Variants in ASPSCR1 observed in about 807,000 individuals in gnomAD.
ASPSCR1 encodes tether containing UBX domain for GLUT4.
Under a neutral mutation model 68.9 loss-of-function variants are expected in ASPSCR1, and 55 were observed. The observed-to-expected ratio is 0.80, with a 90% CI of 0.64 to 1.00. The LOEUF (loss-of-function observed/expected upper bound fraction) is 1.00. Ranked by LOEUF, ASPSCR1 falls within the 50% of genes least tolerant of loss-of-function variation. ASPSCR1 has a pLI of 0.00. For synonymous variants in ASPSCR1, 352 were observed against 332.6 expected, an observed-to-expected ratio of 1.06 and a Z score of -0.63; for missense variants, 765 against 762.2, an observed-to-expected ratio of 1.00 and a Z score of -0.04.
chr17:82,002,957 C>G (rs2042585302), intron 7 of ASPSCR1, among the ~76,000 whole-genome samples: 1 of 152,116 alleles, frequency 6.6e-6, no homozygotes. Context: ...TCACTGCAAC[C>G]TCCACCTCCT....
rs931043796 is a variant in ASPSCR1 at position 82,016,542 on chromosome 17, T to G, written c.1405+15T>G. Reference sequence around the variant, plus strand: ...GGAGCCGGCAGGTGAGTGTCAGTGGTTGGGGCCAGTGTCGGAGTCCAGCCA... The same window carrying G: ...GGAGCCGGCAGGTGAGTGTCAGTGGGTGGGGCCAGTGTCGGAGTCCAGCCA... On this transcript the variant is annotated intron_variant, in intron 13 of 15. Transcript: ENST00000306739. 3 of 1,548,958 alleles carry G rather than the reference T, an allele frequency of 1.9e-6. No individual in the cohort carries two copies. The African/African-American group carries it at 4.1e-5, about 21-fold the overall frequency.
intron 4 of ASPSCR1, among the ~76,000 whole-genome samples, chr17:81,988,548 A>G (rs180860316): frequency 4.0e-5 from 6 of 151,820 alleles, no homozygotes; most frequent in Non-Finnish European, 8.8e-5. Flanking sequence ...TAAAGCCCGG[A>G]GCCCCCAGCC....
intron 2 of ASPSCR1, chr17:81,982,701 T>A (rs1817392537): frequency 1.3e-5 from 2 of 152,238 alleles, no homozygotes; most frequent in Admixed American, 1.3e-4. Context: ...TTTGAGTATA[T>A]TCAGATTTTT....
At chr17:82,011,044 T>C (rs576772481) in intron 10 of ASPSCR1, among the ~76,000 whole-genome samples, 176 bp downstream of exon 10, 2 of 152,140 alleles carry the variant, frequency 1.3e-5, no homozygotes, top group South Asian at 2.1e-4. Context: ...GTTCGCAGAG[T>C]GTCAGGCAGG....
intron 12 of ASPSCR1, chr17:82,014,877 C>T (rs1199927632): frequency 9.1e-5 from 63 of 690,624 alleles, no homozygotes; most frequent in Non-Finnish European, 1.7e-5. Flanking sequence ...GGGGCCGGCT[C>T]CAGGCCCTCA....
chr17:81,995,905 G>A (rs1011916985), intron 5 of ASPSCR1, 87 bp from the exon 6 acceptor site: 7 of 1,347,350 alleles, frequency 5.2e-6, no homozygotes, highest in Non-Finnish European at 7.3e-6. Context: ...GTGGCCTGTG[G>A]TCCTGGTGGT....
At chr17:82,015,615 C>A in intron 12 of ASPSCR1, 2 of 551,942 alleles carry the variant, frequency 3.6e-6, no homozygotes, top group Non-Finnish European at 6.5e-6. Context: ...TGGGGCTGGC[C>A]AGGGCTCCTG....
At chr17:81,997,105 C>CGCTGCGGGATGAGGCCGTGTGG (rs2042372891) in intron 7 of ASPSCR1, among the ~76,000 whole-genome samples, 1 of 144,178 alleles carries the variant, frequency 6.9e-6, no homozygotes, top group African/African-American at 2.6e-5. Context: ...AGGCCGTGTC[C>CGCTGCGGGATGAGGCCGTGTGG]GCTCCGGGAT....
intron 7 of ASPSCR1, among the ~76,000 whole-genome samples, chr17:82,003,267 G>A (rs759968797): frequency 2.0e-4 from 31 of 152,208 alleles, no homozygotes; most frequent in Admixed American, 1.0e-3. Context: ...GCAACATAAC[G>A]AGACCCCATC....
intron 10 of ASPSCR1, 23 bp downstream of exon 10, chr17:82,010,891 CGGGGATG>C: frequency 6.2e-7 from 1 of 1,608,714 alleles, no homozygotes; most frequent in Non-Finnish European, 8.5e-7. Flanking sequence ...GTGGGGTGTC[CGGGGATG>C]GGGGGCAGGG....
Position 81,983,088 on chromosome 17 carries a change from G to A in ASPSCR1, c.159-466G>A, listed in dbSNP as rs1337966563. 1.3e-5 allele frequency among the ~76,000 whole-genome samples: 2 copies of A among 152,174 alleles called. No individual in the cohort carries two copies. The highest frequency in any genetic ancestry group is 4.8e-5 in the African/African-American group (2 of 41,442). On this transcript the variant is annotated intron_variant, in intron 2 of 15. Transcript: ENST00000306739. This position sits in a 1 kb window ranked among gnomAD's most constrained non-coding sequence, Gnocchi z 4.4. ...CAAACTCCTGAACCTCAGGTGATCC[G>A]CCTGCCTCGGCCTCCGAAAGTGCTG...
intron 10 of ASPSCR1, 91 bp from the exon 11 acceptor site, chr17:82,011,452 C>T: frequency 8.0e-7 from 1 of 1,253,356 alleles, no homozygotes; most frequent in Middle Eastern, 2.1e-4. Flanking sequence ...GGGAAAGGCC[C>T]AGGAGGGTGG....
At chr17:82,000,469 G>A (rs949463169) in intron 7 of ASPSCR1, among the ~76,000 whole-genome samples, 1 of 152,330 alleles carries the variant, frequency 6.6e-6, no homozygotes. Flanking sequence ...AGCCGCACAC[G>A]CAGAGGGCCC....
chr17:81,994,710 T>C, intron 4 of ASPSCR1, 111 bp from the exon 5 acceptor site: 1 of 1,117,254 alleles, frequency 9.0e-7, no homozygotes. Flanking sequence ...CCTGGGTGGG[T>C]GCTGGGTGAG....
Position 81,985,493 on chromosome 17 carries a change from C to T in ASPSCR1, c.274-14C>T, listed in dbSNP as rs376789001. On this transcript the variant is annotated splice_polypyrimidine_tract_variant and intron_variant, in intron 3 of 15. Coordinates refer to ENST00000306739, the MANE Select transcript of ASPSCR1 (RefSeq NM_024083.4). Reference sequence around the variant, plus strand: ...TTCTTCCTAAGGAAGTTTCTCATGTCTTATACCCTCCAGGTTCGCATCGCT... The same window carrying T: ...TTCTTCCTAAGGAAGTTTCTCATGTTTTATACCCTCCAGGTTCGCATCGCT... The T allele has an allele frequency of 8.1e-5, 130 of 1,612,988 alleles. No individual in the cohort carries two copies. Among genetic ancestry groups the T allele is most frequent in the Admixed American group, 6.8e-4 (41 of 60,004 alleles).
chr17:82,011,681 AGCTGGG>A (rs1162027972), intron 11 of ASPSCR1, 76 bp downstream of exon 11: 1 of 1,512,728 alleles, frequency 6.6e-7, no homozygotes, highest in Non-Finnish European at 9.0e-7. Flanking sequence ...CGCCCGTCCC[AGCTGGG>A]GCTCGTGGCA....
intron 8 of ASPSCR1, 119 bp downstream of exon 8, chr17:82,009,310 T>C: frequency 7.0e-7 from 1 of 1,425,438 alleles, no homozygotes; most frequent in African/African-American, 1.4e-5. Flanking sequence ...CCTGACAGGC[T>C]GCCCTTAACA....
intron 13 of ASPSCR1, 130 bp from the exon 14 acceptor site, chr17:82,016,670 C>G (rs930091188): frequency 5.6e-6 from 8 of 1,438,852 alleles, no homozygotes; most frequent in Middle Eastern, 2.2e-4. Flanking sequence ...ACCACCTCCC[C>G]GAGAGAGGAC....
Position 81,994,849 on chromosome 17 carries a change from A to G in ASPSCR1, c.403A>G (p.Thr135Ala). Residue 135 changes from threonine (T) to alanine (A), a missense_variant, in exon 5 of 16, where the codon ACC becomes GCC. Thr to Ala is a moderately conservative substitution (Grantham distance 58, BLOSUM62 0). Coordinates refer to ENST00000306739, the MANE Select transcript of ASPSCR1 (RefSeq NM_024083.4). ...GTGCCTGCAGCACCCCGGCGGGGCC[A>G]CCCCAGTCTGCGTGTACACGAGGGA... ...RECLQHPGGATPVCVYTRDEV... is the reference protein window; with the variant it reads ...RECLQHPGGAAPVCVYTRDEV... 6.2e-7 allele frequency: 1 copy of G among 1,613,020 alleles called. No individual in the cohort carries two copies. The highest frequency in any genetic ancestry group is 1.1e-5 in the South Asian group (1 of 91,032).
Sources: gnomAD v4.1 joint callset for allele counts (sites outside exome capture counted in the v4.1 genomes callset) on GRCh38, gnomAD v4.1.1 for gene constraint, Gnocchi (gnomAD v3.1) non-coding constraint, MANE v1.5 for transcripts, NCBI Gene and HGNC (gene_info 2026-07-23, HGNC 2026-07-21) for gene names.